Variants in MEP1A observed in about 807,000 individuals in gnomAD.
The protein encoded by MEP1A is N-benzoyl-L-tyrosyl-P-amino-benzoic acid hydrolase subunit alpha.
MEP1A carries 68 observed loss-of-function variants against 84.5 expected under a neutral mutation model. The observed-to-expected ratio is 0.80, with a 90% CI of 0.66 to 0.98. The LOEUF is 0.98. MEP1A is among the 50% of genes least tolerant of loss of function. The pLI is 0.00. For missense variants in MEP1A, 887 were observed against 919.9 expected, an observed-to-expected ratio of 0.96 and a Z score of 0.46; for synonymous variants, 337 against 336.8, an observed-to-expected ratio of 1.00 and a Z score of -0.01.
At chr6:46,843,040 A>G (rs1184806451), downstream of MEP1A, among the ~76,000 whole-genome samples, 1 of 152,224 alleles carries the variant, frequency 6.6e-6, no homozygotes, top group Non-Finnish European at 1.5e-5. Flanking sequence ...TTAAAGGTTC[A>G]TTCTAGACAC....
downstream of MEP1A, among the ~76,000 whole-genome samples, chr6:46,843,244 A>T (rs985302147): frequency 2.6e-5 from 4 of 152,220 alleles, no homozygotes; most frequent in African/African-American, 9.6e-5. Context: ...TGACAACCCC[A>T]AATCTCTAGG....
At chr6:46,825,517 C>G in intron 8 of MEP1A, 24 bp downstream of exon 8, 1 of 1,498,234 alleles carries the variant, frequency 6.7e-7, no homozygotes, top group Non-Finnish European at 9.2e-7. Flanking sequence ...TTTCTGAGAA[C>G]TTGGTAAACT....
chr6:46,831,846 G>A (rs538138005), intron 10 of MEP1A, among the ~76,000 whole-genome samples: 55 of 152,260 alleles, frequency 3.6e-4, no homozygotes, highest in African/African-American at 1.3e-3. Context: ...GCTCTCCGCA[G>A]GAGAGGGCAG....
intron 10 of MEP1A, among the ~76,000 whole-genome samples, chr6:46,832,254 C>A (rs1768094224): frequency 6.6e-6 from 1 of 152,216 alleles, no homozygotes; most frequent in Non-Finnish European, 1.5e-5. Flanking sequence ...TCAGTGTAGG[C>A]ACATCTCTTT....
At chr6:46,805,866 T>C (rs1168874144) in intron 5 of MEP1A, among the ~76,000 whole-genome samples, 1 of 152,020 alleles carries the variant, frequency 6.6e-6, no homozygotes, top group Admixed American at 6.6e-5. Flanking sequence ...TTTCTGTGTT[T>C]CTCCTGTCCA....
rs1158174073 is a variant in MEP1A at position 46,833,509 on chromosome 6, T to A, written c.1580T>A (p.Phe527Tyr). The A allele has an allele frequency of 1.9e-6, 3 of 1,613,954 alleles. No homozygotes were observed. The highest frequency in any genetic ancestry group is 2.5e-6 in the Non-Finnish European group (3 of 1,180,006). Residue 527 changes from phenylalanine (F) to tyrosine (Y), a missense_variant, in exon 11 of 14, where the codon TTC (phenylalanine) becomes TAC (tyrosine). By Grantham distance (22) the Phe-to-Tyr change is conservative. Transcript: ENST00000230588. Reference sequence around the variant, plus strand: ...AACAGGATGTCCTCAAGCATGGTGTTCACTACCTCGAAGTCGCACACATCT... The same window carrying A: ...AACAGGATGTCCTCAAGCATGGTGTACACTACCTCGAAGTCGCACACATCT... ...VRNRMSSSMV[F>Y]TTSKSHTSPA...
chr6:46,795,369 C>T (rs1433730885), intron 3 of MEP1A, among the ~76,000 whole-genome samples: 2 of 152,102 alleles, frequency 1.3e-5, no homozygotes, highest in Admixed American at 6.5e-5. Context: ...GGTGCCATCT[C>T]GGCTCACTGC....
chr6:46,845,403 A>G, the MEP1A span, among the ~76,000 whole-genome samples: 3 of 152,316 alleles, frequency 2.0e-5, no homozygotes, highest in Admixed American at 1.3e-4. Flanking sequence ...TGAGAACTGC[A>G]CTGAGCCAGG....
At chr6:46,805,981 C>T (rs1767308438) in intron 5 of MEP1A, among the ~76,000 whole-genome samples, 1 of 151,902 alleles carries the variant, frequency 6.6e-6, no homozygotes, top group African/African-American at 2.4e-5. Context: ...TCTCTTTTAC[C>T]ATCGCCAGTC....
chr6:46,833,038 G>T, intron 10 of MEP1A, 36 bp from the exon 11 acceptor site: 1 of 1,231,922 alleles, frequency 8.1e-7, no homozygotes, highest in South Asian at 1.5e-5. Flanking sequence ...TTAAGTGTTG[G>T]TCACAGTTCT....
Position 46,834,610 on chromosome 6 carries a change from T to A in MEP1A, c.1642T>A (p.Ser548Thr), listed in dbSNP as rs533610372. 19 of 1,610,832 alleles carry A rather than the reference T, an allele frequency of 1.2e-5. No individual in the cohort carries two copies. The African/African-American group carries it at 2.4e-4, about 20-fold the overall frequency. Reference protein sequence around the residue: ...INDTVIWDRPSRVGTYHTDCN... With the variant: ...INDTVIWDRPTRVGTYHTDCN... ...TGACACTGTCATCTGGGACAGGCCGTCCAGGGTGGGAACCTATCATACGGA... is the reference window on the plus strand; with the variant it reads ...TGACACTGTCATCTGGGACAGGCCGACCAGGGTGGGAACCTATCATACGGA... Residue 548 changes from serine (S) to threonine (T), a missense_variant, in exon 12 of 14, where the codon TCC becomes ACC. By Grantham distance (58) the Ser-to-Thr change is moderately conservative. Transcript: ENST00000230588.
intron 3 of MEP1A, among the ~76,000 whole-genome samples, chr6:46,794,671 T>C (rs1370483275): frequency 1.3e-5 from 2 of 152,226 alleles, no homozygotes; most frequent in Non-Finnish European, 2.9e-5. Flanking sequence ...AATGGCTGCA[T>C]AGGCAGAGCA....
downstream of MEP1A, among the ~76,000 whole-genome samples, chr6:46,840,246 A>C (rs1173441757): frequency 6.6e-6 from 1 of 152,234 alleles, no homozygotes; most frequent in Non-Finnish European, 1.5e-5. Flanking sequence ...AGTTATGGGA[A>C]CAATTTGTAG....
At chr6:46,798,580 T>G (rs780100046) in intron 3 of MEP1A, 26 bp from the exon 4 acceptor site, 29 of 1,604,006 alleles carry the variant, frequency 1.8e-5, no homozygotes, top group Non-Finnish European at 1.7e-5. Context: ...CAAATATTCT[T>G]TTTTTAAAAA....
At position 46,825,271 on chromosome 6, in the gene MEP1A, G is replaced by T. The variant is rs1329356340; in HGVS notation, c.557-1G>T. The stretch of plus-strand genomic sequence containing the variant: ...GGACCTGTGGATTCTCTCCCTAACA[G>T]GTTACCAGCACAACTTTGACACCTA... On this transcript the variant is annotated splice_acceptor_variant, in intron 7 of 13. Coordinates refer to ENST00000230588, the MANE Select transcript of MEP1A (RefSeq NM_005588.3). LOFTEE classifies it high-confidence loss of function. The T allele has an allele frequency of 6.2e-7, 1 of 1,605,964 alleles. No homozygotes were observed. Among genetic ancestry groups the T allele is most frequent in the Non-Finnish European group, 8.5e-7 (1 of 1,174,438 alleles).
At chr6:46,819,111 C>T (rs1767707201) in intron 6 of MEP1A, among the ~76,000 whole-genome samples, 1 of 152,100 alleles carries the variant, frequency 6.6e-6, no homozygotes, top group Non-Finnish European at 1.5e-5. Flanking sequence ...AAGTGAGACC[C>T]CCAATCTCAA....
intron 9 of MEP1A, 129 bp downstream of exon 9, chr6:46,826,632 A>T: frequency 2.7e-6 from 2 of 750,958 alleles, no homozygotes; most frequent in South Asian, 4.2e-5. Flanking sequence ...AGGACAAAAA[A>T]CATTTCTTAT....
Position 46,835,243 on chromosome 6 carries a change from C to A in MEP1A, c.1784-6C>A. 6.3e-7 allele frequency: 1 copy of A among 1,580,742 alleles called. No homozygotes were observed. Among genetic ancestry groups the A allele is most frequent in the Admixed American group, 1.9e-5 (1 of 52,592 alleles). On this transcript the variant is annotated splice_polypyrimidine_tract_variant and splice_region_variant and intron_variant, in intron 12 of 13. Coordinates refer to ENST00000230588, the MANE Select transcript of MEP1A (RefSeq NM_005588.3). ...GATCTTCCTCATGACTCTCTATTTC[C>A]TGAAGATATCACCCACCTCAGCCAG...
intron 5 of MEP1A, among the ~76,000 whole-genome samples, chr6:46,808,552 T>C (rs1401683158): frequency 6.6e-6 from 1 of 152,126 alleles, no homozygotes; most frequent in Non-Finnish European, 1.5e-5. Context: ...AATGAGTTGA[T>C]GGGAGGGTAA....
Sources: allele counts gnomAD v4.1 joint callset (sites outside exome capture counted in the v4.1 genomes callset), GRCh38; gene constraint gnomAD v4.1.1; transcripts MANE v1.5; gene names NCBI Gene and HGNC (gene_info 2026-07-23, HGNC 2026-07-21).